The following MYO1E variants were observed in gnomAD, a reference collection of about 807,000 sequenced individuals.
MYO1E encodes the protein unconventional myosin-Ie.
MYO1E carries 68 observed loss-of-function variants against 151.1 expected under a neutral mutation model. That is an observed-to-expected ratio of 0.45 (90% CI 0.37 to 0.55). The LOEUF (loss-of-function observed/expected upper bound fraction) is 0.55, where lower values mean the gene tolerates loss of function less well. Among genes scored for constraint, MYO1E ranks in the 20% least tolerant of loss-of-function variants. The pLI, the probability that MYO1E is intolerant of heterozygous loss-of-function variation, is 0.00. For missense variants in MYO1E, 1,363 were observed against 1,389.3 expected, an observed-to-expected ratio of 0.98 and a Z score of 0.30; for synonymous variants, 601 against 501.7, an observed-to-expected ratio of 1.20 and a Z score of -2.64.
intron 2 of MYO1E, among the ~76,000 whole-genome samples, chr15:59,263,821 G>A (rs1340445845): frequency 6.6e-6 from 1 of 152,106 alleles, no homozygotes. Flanking sequence ...GAAGAGTTAT[G>A]GAAGAAGGGC....
At chr15:59,233,657 C>T (rs1431281382) in intron 5 of MYO1E, among the ~76,000 whole-genome samples, 2 of 108,308 alleles carry the variant, frequency 1.8e-5, no homozygotes, top group African/African-American at 3.2e-5. Flanking sequence ...AGCGAGACTC[C>T]GTCTAAAAAA....
At chr15:59,296,146 C>A (rs1419042153) in intron 1 of MYO1E, among the ~76,000 whole-genome samples, 1 of 152,166 alleles carries the variant, frequency 6.6e-6, no homozygotes, top group Non-Finnish European at 1.5e-5. Flanking sequence ...ATTATCAAGG[C>A]ATAGAAAAGC....
intron 1 of MYO1E, among the ~76,000 whole-genome samples, chr15:59,288,830 C>T (rs1453639240): frequency 6.6e-6 from 1 of 152,174 alleles, no homozygotes; most frequent in African/African-American, 2.4e-5. Flanking sequence ...AGACGACAGA[C>T]AGTAGCTGCA....
chr15:59,317,192 T>C (rs531397711), intron 1 of MYO1E, among the ~76,000 whole-genome samples: 1 of 152,342 alleles, frequency 6.6e-6, no homozygotes, highest in South Asian at 2.1e-4. Flanking sequence ...AGTTGGCAGA[T>C]AGAGATGAAC....
At chr15:59,198,377 C>A (rs1055464286) in intron 16 of MYO1E, among the ~76,000 whole-genome samples, 2 of 152,160 alleles carry the variant, frequency 1.3e-5, no homozygotes, top group African/African-American at 4.8e-5. Flanking sequence ...TGACAGCAGG[C>A]CTGACTGTGG....
At chr15:59,169,686 G>T (rs1383704167) in intron 22 of MYO1E, among the ~76,000 whole-genome samples, 2 of 152,086 alleles carry the variant, frequency 1.3e-5, no homozygotes, top group African/African-American at 4.8e-5. Flanking sequence ...ACAGGAAGAA[G>T]AAAAAGAAGC....
intron 1 of MYO1E, among the ~76,000 whole-genome samples, chr15:59,337,746 C>T (rs112078182): frequency 2.6e-5 from 4 of 152,192 alleles, no homozygotes; most frequent in East Asian, 3.9e-4. Context: ...GCAGGAGAAT[C>T]GCTTGAACCC....
At chr15:59,179,144 C>G (rs2079643272) in intron 18 of MYO1E, among the ~76,000 whole-genome samples, 1 of 152,160 alleles carries the variant, frequency 6.6e-6, no homozygotes, top group Non-Finnish European at 1.5e-5. Flanking sequence ...CTCGGCGCCT[C>G]TGCCCCTGCT....
intron 22 of MYO1E, among the ~76,000 whole-genome samples, chr15:59,163,646 A>C (rs2079549798): frequency 6.6e-6 from 1 of 152,204 alleles, no homozygotes; most frequent in South Asian, 2.1e-4. Context: ...AAAATCCAGA[A>C]AGTTATGAAT....
Position 59,214,445 on chromosome 15 carries a change from GT to G in MYO1E, c.1189-132del, listed in dbSNP as rs2079901113. The G allele has an allele frequency of 3.3e-6, 3 of 897,154 alleles. No homozygotes were observed. In the Admixed American group the frequency reaches 6.5e-5, roughly 19 times the overall value. 55.6% of individuals were successfully genotyped at this position (897,154 alleles called of 1,614,324 possible). On this transcript the variant is annotated intron_variant, in intron 11 of 27. Coordinates refer to ENST00000288235, the MANE Select transcript of MYO1E (RefSeq NM_004998.4). Reference sequence around the variant, plus strand: ...ATGTTGGATGCATCAAAAGAAATAAGTTTATATTTAGGAGAAACTAATTTGG... The same window carrying G: ...ATGTTGGATGCATCAAAAGAAATAAGTTATATTTAGGAGAAACTAATTTGG...
At chr15:59,251,972 C>A (rs1308728711) in intron 4 of MYO1E, among the ~76,000 whole-genome samples, 1 of 152,170 alleles carries the variant, frequency 6.6e-6, no homozygotes, top group Non-Finnish European at 1.5e-5. Context: ...GGTATTGTTA[C>A]TTTAACAGCA....
chr15:59,224,238 C>G lies in MYO1E; in HGVS notation c.777+451G>C, dbSNP rs185379728. The stretch of plus-strand genomic sequence containing the variant: ...TGGCACAGAAAAAGGGTCCTCTGCC[C>G]TAAACAATACAGAGGGGAAGAGAGT... On this transcript the variant is annotated intron_variant, in intron 8 of 27. Coordinates refer to ENST00000288235, the MANE Select transcript of MYO1E (RefSeq NM_004998.4). Among the ~76,000 whole-genome samples, 74 of 152,058 alleles carry G rather than the reference C, an allele frequency of 4.9e-4. No homozygotes were observed. In the East Asian group the frequency reaches 0.013, roughly 27 times the overall value.
intron 7 of MYO1E, among the ~76,000 whole-genome samples, chr15:59,226,227 C>T (rs1357653895): frequency 6.6e-6 from 1 of 152,052 alleles, no homozygotes; most frequent in Admixed American, 6.5e-5. Context: ...CTTTTTCAAC[C>T]AACAGGTACA....
chr15:59,292,156 G>A (rs1209252518), intron 1 of MYO1E, among the ~76,000 whole-genome samples: 1 of 152,096 alleles, frequency 6.6e-6, no homozygotes, highest in South Asian at 2.1e-4. Context: ...TAAAGGCAAG[G>A]GGTGATTTTA....
rs1274127299 is a variant in MYO1E at position 59,372,849 on chromosome 15, C to T, written c.-349G>A. 5.0e-6 allele frequency: 2 copies of T among 402,704 alleles called. No individual in the cohort carries two copies. The highest frequency in any genetic ancestry group is 2.1e-5 in the African/African-American group (1 of 47,520). 24.9% of individuals were successfully genotyped at this position (402,704 alleles called of 1,614,324 possible). A position where few individuals can be genotyped will look rare whatever the true frequency, so the allele number is the denominator to read the frequency against. ...ACTCCTCTTTCTTCGGCCACTTAATCCGTACTCCTCTGGCTGAGTCTCGGC... is the reference window on the plus strand; with the variant it reads ...ACTCCTCTTTCTTCGGCCACTTAATTCGTACTCCTCTGGCTGAGTCTCGGC... On this transcript the variant is annotated 5_prime_UTR_variant, in exon 1 of 28. Coordinates refer to ENST00000288235, the MANE Select transcript of MYO1E (RefSeq NM_004998.4).
chr15:59,218,930 A>C (rs768989112), intron 9 of MYO1E, among the ~76,000 whole-genome samples: 1 of 152,234 alleles, frequency 6.6e-6, no homozygotes, highest in African/African-American at 2.4e-5. Context: ...GTGAAAGTTC[A>C]GGTCAGATTT....
chr15:59,372,417 G>C, intron 1 of MYO1E, 81 bp downstream of exon 1: 1 of 1,510,822 alleles, frequency 6.6e-7, no homozygotes, highest in Non-Finnish European at 8.9e-7. Flanking sequence ...CCGGCAGCGC[G>C]CCCAAGGTGG....
At chr15:59,272,233 G>C in intron 2 of MYO1E, 73 bp downstream of exon 2, 1 of 1,569,968 alleles carries the variant, frequency 6.4e-7, no homozygotes, top group Non-Finnish European at 8.8e-7. Flanking sequence ...ACTGCACCCA[G>C]CATAAAGCCA....
chr15:59,299,389 G>A (rs372065827), intron 1 of MYO1E, among the ~76,000 whole-genome samples: 38 of 152,320 alleles, frequency 2.5e-4, no homozygotes, highest in African/African-American at 9.1e-4. Flanking sequence ...CCGCACTCTT[G>A]TGGTTTTCTT....
Sources: gnomAD v4.1 joint callset for allele counts (sites outside exome capture counted in the v4.1 genomes callset) on GRCh38, gnomAD v4.1.1 for gene constraint, MANE v1.5 for transcripts, NCBI Gene and HGNC (gene_info 2026-07-23, HGNC 2026-07-21) for gene names.